NUMBL: variants seen among roughly 807,000 people sequenced by gnomAD.
The protein encoded by NUMBL is numb-like protein.
NUMBL carries 20 observed loss-of-function variants against 48.9 expected under a neutral mutation model. That is an observed-to-expected ratio of 0.41 (90% CI 0.29 to 0.59). The LOEUF is 0.59. Ranked by LOEUF, NUMBL falls within the 20% of genes least tolerant of loss-of-function variation. The pLI is 0.31. For synonymous variants in NUMBL, 340 were observed against 348.7 expected (o/e 0.98, Z 0.28); for missense variants, 660 against 846.2 (o/e 0.78, Z 2.73).
In NUMBL at chr19:40,673,613, G is replaced by T; in HGVS notation, c.767C>A (p.Pro256His). The T allele has an allele frequency of 6.6e-7, 1 of 1,513,654 alleles. No individual in the cohort carries two copies. The allele number at this position is 1,513,654 out of a possible 1,614,324, so 93.8% of individuals were successfully genotyped here. A position where few individuals can be genotyped will look rare whatever the true frequency, so the allele number is the denominator to read the frequency against. Reference sequence around the variant, plus strand: ...CGGGGACACGTGCCCAGGCTGGGCAGGGCCAGGAGCCACAGTGGGGGCAGC... The same window carrying T: ...CGGGGACACGTGCCCAGGCTGGGCATGGCCAGGAGCCACAGTGGGGGCAGC... ...AAAAPTVAPG[P>H]AQPGHVSPTP... is the part of the protein sequence containing the mutation. Residue 256 changes from proline to histidine, a missense_variant, in exon 8 of 10, where the codon CCT becomes CAT. By Grantham distance (77) the Pro-to-His change is moderately conservative. Coordinates refer to ENST00000252891, the MANE Select transcript of NUMBL (RefSeq NM_004756.5). This position sits in a 1 kb window ranked among gnomAD's most constrained non-coding sequence, Gnocchi z 5.9.
In NUMBL at chr19:40,684,288, G is replaced by A. The variant is rs931416889; in HGVS notation, c.249+129C>T. Reference sequence around the variant, plus strand: ...TTTCACCGTGATAGCCAGGACTGCCGGCCTCACGCTTTTTAACACCAACTT... The same window carrying A: ...TTTCACCGTGATAGCCAGGACTGCCAGCCTCACGCTTTTTAACACCAACTT... On this transcript the variant is annotated intron_variant, in intron 3 of 9. Coordinates refer to ENST00000252891, the MANE Select transcript of NUMBL (RefSeq NM_004756.5). 5.8e-5 allele frequency: 56 copies of A among 971,158 alleles called. No homozygotes were observed. In the East Asian group the frequency reaches 1.5e-3, roughly 25 times the overall value. 60.2% of individuals were successfully genotyped at this position (971,158 alleles called of 1,614,324 possible).
intron 2 of NUMBL, among the ~76,000 whole-genome samples, chr19:40,686,515 C>G (rs1237984336): frequency 2.6e-5 from 4 of 151,548 alleles, no homozygotes; most frequent in African/African-American, 9.7e-5. Context: ...CAGCGAGCGT[C>G]TGTGGTCACC....
chr19:40,678,241 C>A (rs1483877018), intron 6 of NUMBL, among the ~76,000 whole-genome samples: 3 of 152,164 alleles, frequency 2.0e-5, no homozygotes, highest in Non-Finnish European at 2.9e-5. Flanking sequence ...CAGCTCACTG[C>A]AACCTCCACC....
At position 40,690,626 on chromosome 19, in the gene NUMBL, G is replaced by C. The variant is rs975467595; in HGVS notation, c.-143C>G. On this transcript the variant is annotated 5_prime_UTR_variant, in exon 1 of 10. Coordinates refer to ENST00000252891, the MANE Select transcript of NUMBL (RefSeq NM_004756.5). ...GGGATGGTGCGGGATGCACGCGCGC[G>C]AGCCTCCTCGGCTCCCGGGAGGATT... 5.0e-6 allele frequency: 2 copies of C among 403,760 alleles called. No individual in the cohort carries two copies. The highest frequency in any genetic ancestry group is 2.5e-4 in the South Asian group (2 of 7,918). The allele number at this position is 403,760 out of a possible 1,614,324, so 25.0% of individuals were successfully genotyped here. A position where few individuals can be genotyped will look rare whatever the true frequency, so the allele number is the denominator to read the frequency against.
intron 9 of NUMBL, among the ~76,000 whole-genome samples, chr19:40,668,606 G>A (rs1370524579): frequency 6.6e-6 from 1 of 151,904 alleles, no homozygotes. Flanking sequence ...TTACAGGCGC[G>A]CACCATTACG....
chr19:40,668,858 A>G (rs1363609419), intron 9 of NUMBL, among the ~76,000 whole-genome samples: 1 of 152,202 alleles, frequency 6.6e-6, no homozygotes, highest in Non-Finnish European at 1.5e-5. Context: ...CTTTCTCCAC[A>G]TGTATAATAG....
chr19:40,671,283 G>A (rs1174019441), intron 8 of NUMBL, among the ~76,000 whole-genome samples: 9 of 152,108 alleles, frequency 5.9e-5, no homozygotes, highest in African/African-American at 1.9e-4. Context: ...CTGGCCATGT[G>A]TGACTTCTGA....
Position 40,667,849 on chromosome 19 carries a change from G to A in NUMBL, c.1449C>T (p.Pro483=). The A allele has an allele frequency of 6.3e-7, 1 of 1,591,744 alleles. No homozygotes were observed. Among genetic ancestry groups the A allele is most frequent in the Non-Finnish European group, 8.6e-7 (1 of 1,169,332 alleles). The change falls in exon 10 of 10, where the codon CCC becomes CCT. Residue 483 remains proline (P), a synonymous_variant. Coordinates refer to ENST00000252891, the MANE Select transcript of NUMBL (RefSeq NM_004756.5). This position sits in a 1 kb window ranked among gnomAD's most constrained non-coding sequence, Gnocchi z 6.1. The part of the protein sequence containing the change: ...APAQVAVFLP[P]PHMQPPFVPA... ...GCACAAAAGGGGGCTGCATGTGTGGGGGTGGCAGGAACACGGCCACTTGGG... is the reference window on the plus strand; with the variant it reads ...GCACAAAAGGGGGCTGCATGTGTGGAGGTGGCAGGAACACGGCCACTTGGG...
At chr19:40,676,801 T>A (rs749762401) in intron 7 of NUMBL, among the ~76,000 whole-genome samples, 1 of 151,964 alleles carries the variant, frequency 6.6e-6, no homozygotes, top group Non-Finnish European at 1.5e-5. Context: ...ACTCTTTCCA[T>A]GGAAGTTGCT....
In NUMBL at chr19:40,666,072, C is replaced by T. The variant is rs1279698959; in HGVS notation, c.*1396G>A. 1.3e-5 allele frequency: 2 copies of T among 151,482 alleles called. No homozygotes were observed. Among genetic ancestry groups the T allele is most frequent in the East Asian group, 3.9e-4 (2 of 5,154 alleles). 9.4% of individuals were successfully genotyped at this position (151,482 alleles called of 1,614,324 possible). A position where few individuals can be genotyped will look rare whatever the true frequency, so the allele number is the denominator to read the frequency against. Reference sequence around the variant, plus strand: ...TGCTGACAAAACAAGAATTTGCCAGCATGGGCAAAGATATACTGTTACCAA... The same window carrying T: ...TGCTGACAAAACAAGAATTTGCCAGTATGGGCAAAGATATACTGTTACCAA... On this transcript the variant is annotated 3_prime_UTR_variant, in exon 10 of 10. Coordinates refer to ENST00000252891, the MANE Select transcript of NUMBL (RefSeq NM_004756.5).
intron 3 of NUMBL, chr19:40,684,068 GT>G (rs10684015): frequency 3.7e-3 from 459 of 125,158 alleles, no homozygotes; most frequent in South Asian, 0.017. Context: ...TACGCTTCAA[GT>G]TTTTTTTTTT....
chr19:40,690,563 G>A lies in NUMBL; in HGVS notation c.-80C>T. On this transcript the variant is annotated 5_prime_UTR_variant, in exon 1 of 10. Coordinates refer to ENST00000252891, the MANE Select transcript of NUMBL (RefSeq NM_004756.5). ...CTGCTGCTGCTGCGGTGGTGGCGGC[G>A]GCAGCTCGGTCTGACGCCGGCCAGG... 1.1e-6 allele frequency: 1 copy of A among 914,718 alleles called. No individual in the cohort carries two copies. Among genetic ancestry groups the A allele is most frequent in the South Asian group, 4.8e-5 (1 of 20,718 alleles). 56.7% of individuals were successfully genotyped at this position (914,718 alleles called of 1,614,324 possible).
intron 5 of NUMBL, 87 bp from the exon 6 acceptor site, chr19:40,681,144 A>G: frequency 6.9e-7 from 1 of 1,444,922 alleles, no homozygotes; most frequent in Non-Finnish European, 9.6e-7. Context: ...GCTGAAATCC[A>G]GTCCTGAACA....
chr19:40,674,687 ACCT>A (rs927668405), intron 7 of NUMBL, among the ~76,000 whole-genome samples: 9 of 151,692 alleles, frequency 5.9e-5, no homozygotes, highest in Admixed American at 3.3e-4. Context: ...GAACCAGGAA[ACCT>A]CCTCTGCCTC....
intron 7 of NUMBL, among the ~76,000 whole-genome samples, chr19:40,677,015 T>C (rs910229920): frequency 6.6e-6 from 1 of 152,138 alleles, no homozygotes; most frequent in Non-Finnish European, 1.5e-5. Context: ...GGTTTTACCA[T>C]GTCGCGCAGG....
In NUMBL at chr19:40,686,921, C is replaced by T. The variant is rs1350649001; in HGVS notation, c.99G>A (p.Arg33=). 23 of 1,543,882 alleles carry T rather than the reference C, an allele frequency of 1.5e-5. No individual in the cohort carries two copies. The highest frequency in any genetic ancestry group is 1.8e-5 in the Non-Finnish European group (21 of 1,140,644). ...CGAPGPPETC[R]TEPDGAGTMN... Reference sequence around the variant, plus strand: ...AGGCTGGTCGCTCACCTGGCTCCGTCCTGCAGGTTTCTGGGGGCCCCGGGG... The same window carrying T: ...AGGCTGGTCGCTCACCTGGCTCCGTTCTGCAGGTTTCTGGGGGCCCCGGGG... The change falls in exon 2 of 10, where the codon AGG becomes AGA. Residue 33 remains arginine (R), a synonymous_variant. Coordinates refer to ENST00000252891, the MANE Select transcript of NUMBL (RefSeq NM_004756.5).
chr19:40,686,844 C>T, intron 2 of NUMBL, 67 bp downstream of exon 2: 3 of 975,448 alleles, frequency 3.1e-6, no homozygotes, highest in South Asian at 2.8e-5. Flanking sequence ...AGGGACAGCT[C>T]CTCTGGTCGT....
chr19:40,677,312 G>A lies in NUMBL; in HGVS notation c.650C>T (p.Thr217Ile). 11 of 1,611,806 alleles carry A rather than the reference G, an allele frequency of 6.8e-6. No individual in the cohort carries two copies. The highest frequency in any genetic ancestry group is 9.3e-6 in the Non-Finnish European group (11 of 1,179,710). Residue 217 changes from threonine (T) to isoleucine (I), a missense_variant, in exon 7 of 10, where the codon ACC becomes ATC. Thr to Ile is a moderately conservative substitution (Grantham distance 89). Transcript: ENST00000252891. ...GVTAAFDASR[T>I]SFAREGSFRL... ...GAAGGAGCCCTCGCGGGCGAAGCTG[G>A]TGCGGCTGGCATCGAAGGCGGCCGT...
intron 9 of NUMBL, among the ~76,000 whole-genome samples, chr19:40,669,496 T>C (rs1190964711): frequency 6.6e-6 from 1 of 151,808 alleles, no homozygotes; most frequent in African/African-American, 2.4e-5. Flanking sequence ...GGATCTAGGA[T>C]GATCCCCTGG....
Sources: allele counts gnomAD v4.1 joint callset (sites outside exome capture counted in the v4.1 genomes callset), GRCh38; gene constraint gnomAD v4.1.1; non-coding constraint Gnocchi (gnomAD v3.1); transcripts MANE v1.5; gene names NCBI Gene and HGNC (gene_info 2026-07-23, HGNC 2026-07-21).